FRAS1: variants seen among roughly 807,000 people sequenced by gnomAD.
FRAS1 encodes extracellular matrix organizing protein FRAS1.
FRAS1 carries 290 observed loss-of-function variants against 435.2 expected under a neutral mutation model. The ratio of observed to expected loss-of-function variants is 0.67; its 90% CI spans 0.61 to 0.73. The LOEUF is 0.73. FRAS1 is among the 30% of genes least tolerant of loss of function. The pLI, the probability that FRAS1 is intolerant of heterozygous loss-of-function variation, is 0.00. For missense variants in FRAS1, 4,860 were observed against 5,001.5 expected (o/e 0.97, Z 0.85); for synonymous variants, 1,800 against 1,851.0 (o/e 0.97, Z 0.71).
intron 52 of FRAS1, among the ~76,000 whole-genome samples, chr4:78,472,642 A>G (rs1435790835): frequency 6.6e-6 from 1 of 152,192 alleles, no homozygotes; most frequent in Non-Finnish European, 1.5e-5. Context: ...AAACAATAAC[A>G]ACAAGAAAGC....
At chr4:78,441,871 C>G (rs1309208306) in intron 41 of FRAS1, among the ~76,000 whole-genome samples, 1 of 152,250 alleles carries the variant, frequency 6.6e-6, no homozygotes, top group Admixed American at 6.5e-5. Context: ...CTCCCCTCCA[C>G]CATCTGCCCT....
intron 29 of FRAS1, among the ~76,000 whole-genome samples, chr4:78,391,424 G>A (rs1732438292): frequency 6.6e-6 from 1 of 152,078 alleles, no homozygotes; most frequent in Non-Finnish European, 1.5e-5. Context: ...TTAATTGGGG[G>A]GATTACTAAA....
intron 2 of FRAS1, among the ~76,000 whole-genome samples, chr4:78,199,917 A>G (rs1462486446): frequency 1.3e-5 from 2 of 152,272 alleles, no homozygotes; most frequent in Non-Finnish European, 1.5e-5. Context: ...AATAAAAATC[A>G]TAAAAGTAGT....
intron 2 of FRAS1, among the ~76,000 whole-genome samples, chr4:78,156,333 T>C (rs1407066537): frequency 1.3e-5 from 2 of 152,168 alleles, no homozygotes; most frequent in Non-Finnish European, 2.9e-5. Flanking sequence ...TTTTTTTTTT[T>C]TTTAGATCTC....
chr4:78,307,920 T>C, intron 14 of FRAS1, 146 bp from the exon 15 acceptor site: 1 of 722,074 alleles, frequency 1.4e-6, no homozygotes, highest in Non-Finnish European at 2.2e-6. Flanking sequence ...GTTGTGTTTG[T>C]CCTGAGGTGT....
chr4:78,258,668 C>T (rs1725916766), intron 6 of FRAS1, among the ~76,000 whole-genome samples: 1 of 143,264 alleles, frequency 7.0e-6, no homozygotes, highest in African/African-American at 2.5e-5. Flanking sequence ...TTTTTTCATC[C>T]TTTTTTAACT....
intron 41 of FRAS1, among the ~76,000 whole-genome samples, chr4:78,442,544 G>A: frequency 6.6e-6 from 1 of 152,184 alleles, no homozygotes; most frequent in East Asian, 1.9e-4. Flanking sequence ...AGAAATGAAA[G>A]GATATCTACC....
Position 78,315,699 on chromosome 4 carries a change from G to A in FRAS1, c.1784G>A (p.Gly595Asp), listed in dbSNP as rs1306534444. 5.0e-6 allele frequency: 8 copies of A among 1,613,970 alleles called. No homozygotes were observed. The highest frequency in any genetic ancestry group is 6.8e-6 in the Non-Finnish European group (8 of 1,179,890). The change falls in exon 16 of 74, where the codon GGC becomes GAC. Residue 595 changes from glycine to aspartate, a missense_variant. Physicochemically the swap from Gly to Asp is moderately conservative, Grantham distance 94. Coordinates refer to ENST00000512123, the MANE Select transcript of FRAS1 (RefSeq NM_025074.7). ...GGGAAATGCATGTCTGAATGCCCTG[G>A]CGGGTACTATGCTGATGCCACTGGC... is the stretch of plus-strand genomic sequence containing the variant. The part of the protein sequence containing the change: ...HDGKCMSECP[G>D]GYYADATGRC...
In FRAS1 at chr4:78,446,885, G is replaced by T; in HGVS notation, c.6010+5G>T. On this transcript the variant is annotated splice_donor_5th_base_variant and intron_variant, in intron 43 of 73. Coordinates refer to ENST00000512123, the MANE Select transcript of FRAS1 (RefSeq NM_025074.7). Reference sequence around the variant, plus strand: ...TGACAAAAAAGCCTGACCACGGTAGGGCACGAACTGCTATGAAAAGCTTCT... The same window carrying T: ...TGACAAAAAAGCCTGACCACGGTAGTGCACGAACTGCTATGAAAAGCTTCT... 1 of 1,601,084 alleles carries T rather than the reference G, an allele frequency of 6.2e-7. No individual in the cohort carries two copies. Among genetic ancestry groups the T allele is most frequent in the Non-Finnish European group, 8.5e-7 (1 of 1,173,680 alleles).
chr4:78,299,366 A>G (rs1728283765), intron 14 of FRAS1, among the ~76,000 whole-genome samples: 1 of 152,210 alleles, frequency 6.6e-6, no homozygotes, highest in Non-Finnish European at 1.5e-5. Context: ...GATGCACATC[A>G]GAGAGAAGGA....
chr4:78,371,738 C>A (rs1192001617), intron 23 of FRAS1, among the ~76,000 whole-genome samples: 2 of 152,174 alleles, frequency 1.3e-5, no homozygotes, highest in Non-Finnish European at 2.9e-5. Context: ...ATGCAGGTAG[C>A]ACTTCCCTTA....
chr4:78,224,954 G>T (rs565825130), intron 2 of FRAS1, among the ~76,000 whole-genome samples: 12 of 152,104 alleles, frequency 7.9e-5, no homozygotes, highest in Admixed American at 7.2e-4. Context: ...ACTTGTTTGC[G>T]CATTAGTAGT....
intron 6 of FRAS1, among the ~76,000 whole-genome samples, chr4:78,258,674 T>A (rs1015952770): frequency 1.3e-5 from 2 of 149,120 alleles, no homozygotes; most frequent in African/African-American, 2.4e-5. Flanking sequence ...CATCCTTTTT[T>A]AACTTTTATT....
intron 2 of FRAS1, among the ~76,000 whole-genome samples, chr4:78,104,260 A>G (rs1309620774): frequency 2.0e-5 from 3 of 152,230 alleles, no homozygotes; most frequent in Non-Finnish European, 2.9e-5. Context: ...CGCCAGATTC[A>G]CTACAGTTCC....
Position 78,513,392 on chromosome 4 carries a change from A to G in FRAS1, c.10014A>G (p.Arg3338=), listed in dbSNP as rs774319039. The change falls in exon 65 of 74, where the codon AGA becomes AGG. Residue 3338 remains arginine, a splice_region_variant and synonymous_variant. Coordinates refer to ENST00000512123, the MANE Select transcript of FRAS1 (RefSeq NM_025074.7). The part of the protein sequence containing the change: ...LDVKHKEHPN[R]IHISVQIPHQ... ...TTTATTTCTGCCTTTTTCCCCCTAG[A>G]ATCCACATTTCGGTGCAGATCCCAC... The G allele has an allele frequency of 4.3e-6, 7 of 1,613,442 alleles. No homozygotes were observed. In the East Asian group the frequency reaches 1.3e-4, roughly 31 times the overall value.
chr4:78,092,105 C>G (rs1741558198), intron 2 of FRAS1, among the ~76,000 whole-genome samples: 1 of 151,676 alleles, frequency 6.6e-6, no homozygotes, highest in Non-Finnish European at 1.5e-5. Flanking sequence ...TCTTCATATT[C>G]CCTCAGTGTT....
At chr4:78,172,413 G>T (rs960970739) in intron 2 of FRAS1, among the ~76,000 whole-genome samples, 1 of 152,134 alleles carries the variant, frequency 6.6e-6, no homozygotes, top group Admixed American at 6.5e-5. Context: ...TGTTTAACCA[G>T]AAATTTTCAT....
intron 33 of FRAS1, among the ~76,000 whole-genome samples, chr4:78,420,405 G>A (rs2110370160): frequency 8.0e-6 from 1 of 124,676 alleles, no homozygotes; most frequent in East Asian, 1.9e-4. Flanking sequence ...TCTCAGCCCT[G>A]CAGAAGGTGA....
chr4:78,150,243 C>T (rs529055925), intron 2 of FRAS1, among the ~76,000 whole-genome samples: 1 of 152,262 alleles, frequency 6.6e-6, no homozygotes, highest in Non-Finnish European at 1.5e-5. Context: ...TGCTTTTAAG[C>T]AAGAGTGCTA....
Sources: allele counts gnomAD v4.1 joint callset (sites outside exome capture counted in the v4.1 genomes callset), GRCh38; gene constraint gnomAD v4.1.1; transcripts MANE v1.5; gene names NCBI Gene and HGNC (gene_info 2026-07-23, HGNC 2026-07-21).